MTMR9: variants seen among roughly 807,000 people sequenced by gnomAD.
The protein encoded by MTMR9 is myotubularin related protein 9, also known as myotubularin-related protein 9.
In MTMR9, 39 loss-of-function variants were observed where a neutral mutation model predicts 69.5. The observed-to-expected ratio is 0.56, with a 90% CI of 0.43 to 0.73. The LOEUF is 0.73. Ranked by LOEUF, MTMR9 falls within the 30% of genes least tolerant of loss-of-function variation. The pLI is 0.00. For synonymous variants in MTMR9, 354 were observed against 240.8 expected, an observed-to-expected ratio of 1.47 and a Z score of -4.35; for missense variants, 900 against 671.2, an observed-to-expected ratio of 1.34 and a Z score of -3.77.
Position 11,306,330 on chromosome 8 carries a change from A to T in MTMR9, c.732A>T (p.Gln244His). The T allele has an allele frequency of 6.2e-7, 1 of 1,614,098 alleles. No homozygotes were observed. The highest frequency in any genetic ancestry group is 8.5e-7 in the Non-Finnish European group (1 of 1,179,976). ...CCCGATCCCTGAACGTGGCTCAGCA[A>T]ACTAGAGCCAAAGGAGGTGGCTTTG... ...IDTRSLNVAQ[Q>H]TRAKGGGFEQ... Residue 244 changes from glutamine to histidine, a missense_variant, in exon 5 of 10, where the codon CAA becomes CAT. Coordinates refer to ENST00000221086, the MANE Select transcript of MTMR9 (RefSeq NM_015458.4).
rs1007730276 is a variant in MTMR9, at chr8:11,309,655, C to T, written c.938C>T (p.Thr313Ile). 6.2e-7 allele frequency: 1 copy of T among 1,613,912 alleles called. No individual in the cohort carries two copies. ...CTGACTCACATCAAAGAGATTCTGA[C>T]AACTGCCTGCCTAGCGGCTCAGTGC... ...NWLTHIKEILTTACLAAQCID... is the reference protein window; with the variant it reads ...NWLTHIKEILITACLAAQCID... Residue 313 changes from threonine (T) to isoleucine (I), a missense_variant, in exon 6 of 10, where the codon ACA (threonine) becomes ATA (isoleucine). By Grantham distance (89) the Thr-to-Ile change is moderately conservative (BLOSUM62 -1). Coordinates refer to ENST00000221086, the MANE Select transcript of MTMR9 (RefSeq NM_015458.4).
intron 6 of MTMR9, among the ~76,000 whole-genome samples, chr8:11,311,538 A>G (rs1315305039): frequency 2.6e-5 from 4 of 152,252 alleles, no homozygotes; most frequent in Non-Finnish European, 5.9e-5. Flanking sequence ...TTAATTGTGC[A>G]ATAGTATTAT....
chr8:11,333,892 T>TATTAAGA, the MTMR9 span, among the ~76,000 whole-genome samples: 1 of 152,218 alleles, frequency 6.6e-6, no homozygotes, highest in African/African-American at 2.4e-5. Context: ...TATTAAGAGG[T>TATTAAGA]GGAACCTTTA....
intron 2 of MTMR9, chr8:11,297,927 C>T (rs565794359): frequency 4.4e-6 from 2 of 456,092 alleles, no homozygotes; most frequent in Non-Finnish European, 8.8e-6. Context: ...CTCCACCCTT[C>T]CCCGAATACA....
chr8:11,295,839 A>G (rs1370201988), intron 2 of MTMR9, among the ~76,000 whole-genome samples: 4 of 152,202 alleles, frequency 2.6e-5, no homozygotes, highest in Non-Finnish European at 5.9e-5. Context: ...TAGTCACATT[A>G]CAGTGAGTAG....
At chr8:11,313,225 T>G (rs1245707051) in intron 6 of MTMR9, among the ~76,000 whole-genome samples, 1 of 152,232 alleles carries the variant, frequency 6.6e-6, no homozygotes, top group Non-Finnish European at 1.5e-5. Flanking sequence ...TTCTACAGCT[T>G]CCTTACTTCT....
At chr8:11,292,104 A>G (rs1799397190) in intron 1 of MTMR9, among the ~76,000 whole-genome samples, 1 of 152,132 alleles carries the variant, frequency 6.6e-6, no homozygotes, top group South Asian at 2.1e-4. Context: ...AATTTATGTC[A>G]GTATATCATA....
rs144563946 is a variant in MTMR9 at position 11,305,121 on chromosome 8, AG to A, written c.591+109del. On this transcript the variant is annotated intron_variant, in intron 4 of 9. Coordinates refer to ENST00000221086, the MANE Select transcript of MTMR9 (RefSeq NM_015458.4). The stretch of plus-strand genomic sequence containing the variant: ...TGTCTGTTCACTGAAATGATTGTCC[AG>A]GTCTCCACCACAAGGGCTTCCTTCA... 9.7e-4 allele frequency: 1,069 copies of A among 1,097,226 alleles called. 7 individuals carry two copies. The African/African-American group carries it at 0.015, about 15-fold the overall frequency. The allele number at this position is 1,097,226 out of a possible 1,614,324, so 68.0% of individuals were successfully genotyped here. A position where few individuals can be genotyped will look rare whatever the true frequency, so the allele number is the denominator to read the frequency against.
chr8:11,314,918 A>T lies in MTMR9; in HGVS notation c.972-5A>T, dbSNP rs769181904. 1 of 1,613,004 alleles carries T rather than the reference A, an allele frequency of 6.2e-7. No homozygotes were observed. The highest frequency in any genetic ancestry group is 8.5e-7 in the Non-Finnish European group (1 of 1,179,108). ...ATTTGTACTCTTCCCTGATTTTCCT[A>T]TCAGGGAAGGAGCATCAATATTGAT... On this transcript the variant is annotated splice_polypyrimidine_tract_variant and splice_region_variant and intron_variant, in intron 6 of 9. Coordinates refer to ENST00000221086, the MANE Select transcript of MTMR9 (RefSeq NM_015458.4).
At chr8:11,313,550 T>G (rs1800290309) in intron 6 of MTMR9, among the ~76,000 whole-genome samples, 1 of 152,246 alleles carries the variant, frequency 6.6e-6, no homozygotes, top group South Asian at 2.1e-4. Context: ...TGATCTAAAA[T>G]GAGACATGCT....
In MTMR9 at chr8:11,298,269, A is replaced by T. The variant is rs1278278424; in HGVS notation, c.292-1754A>T. On this transcript the variant is annotated intron_variant, in intron 2 of 9. Coordinates refer to ENST00000221086, the MANE Select transcript of MTMR9 (RefSeq NM_015458.4). ...GAGAGTGGTTGCTGACTTGCATTTA[A>T]AATAATGGTGGTTCTGATTGACGGC... Among the ~76,000 whole-genome samples the T allele has an allele frequency of 3.9e-5, 6 of 152,264 alleles. No homozygotes were observed. The East Asian group carries it at 1.2e-3, about 29-fold the overall frequency.
At position 11,314,928 on chromosome 8, in the gene MTMR9, G is replaced by T. The variant is rs1485050502; in HGVS notation, c.977G>T (p.Gly326Val). ...TTCCCTGATTTTCCTATCAGGGAAGGAGCATCAATATTGATTCACGGAACA... is the reference window on the plus strand; with the variant it reads ...TTCCCTGATTTTCCTATCAGGGAAGTAGCATCAATATTGATTCACGGAACA... Reference protein sequence around the residue: ...CLAAQCIDREGASILIHGTEG... With the variant: ...CLAAQCIDREVASILIHGTEG... The change falls in exon 7 of 10, where the codon GGA becomes GTA. Residue 326 changes from glycine (G) to valine (V), a missense_variant. By Grantham distance (109) the Gly-to-Val change is moderately radical. Coordinates refer to ENST00000221086, the MANE Select transcript of MTMR9 (RefSeq NM_015458.4). 1.2e-6 allele frequency: 2 copies of T among 1,613,418 alleles called. No homozygotes were observed. Among genetic ancestry groups the T allele is most frequent in the African/African-American group, 2.7e-5 (2 of 74,858 alleles).
intron 2 of MTMR9, chr8:11,298,720 A>ACCCCCCCCCCCCCCC (rs1554501121): frequency 1.5e-6 from 1 of 680,226 alleles, no homozygotes; most frequent in African/African-American, 2.3e-5. Flanking sequence ...TCCCCGCTGC[A>ACCCCCCCCCCCCCCC]CCCCCCCCCC....
chr8:11,314,639 A>G (rs569906478), intron 6 of MTMR9, among the ~76,000 whole-genome samples: 15 of 152,338 alleles, frequency 9.8e-5, no homozygotes, highest in African/African-American at 3.6e-4. Flanking sequence ...ATTCAGCTAA[A>G]AGGTTCTGTG....
chr8:11,331,468 C>T (rs1306496297), downstream of MTMR9: 1 of 1,613,928 alleles, frequency 6.2e-7, no homozygotes, highest in Admixed American at 1.7e-5. Flanking sequence ...GCCTACAGTG[C>T]AGTTCAGGTG....
chr8:11,306,822 G>T (rs951389448), intron 5 of MTMR9, among the ~76,000 whole-genome samples: 1 of 152,244 alleles, frequency 6.6e-6, no homozygotes, highest in Middle Eastern at 3.4e-3. Context: ...AAACTTTGTT[G>T]TTACCTTTGA....
downstream of MTMR9, among the ~76,000 whole-genome samples, chr8:11,328,369 GTGTT>G (rs1378501256): frequency 2.1e-3 from 322 of 150,426 alleles, 2 homozygotes; most frequent in African/African-American, 5.9e-3. Context: ...GTGTGTGTGT[GTGTT>G]TGTTACACTG....
At chr8:11,310,518 A>G (rs1410275972) in intron 6 of MTMR9, among the ~76,000 whole-genome samples, 1 of 152,210 alleles carries the variant, frequency 6.6e-6, no homozygotes, top group Non-Finnish European at 1.5e-5. Flanking sequence ...TGCTGAAATC[A>G]TGTGGTAAGT....
intron 6 of MTMR9, among the ~76,000 whole-genome samples, chr8:11,310,666 G>T (rs1293099103): frequency 2.0e-5 from 3 of 152,126 alleles, no homozygotes; most frequent in Admixed American, 1.3e-4. Flanking sequence ...CTGTGGCAGA[G>T]AAATAACAAA....
Sources: allele counts gnomAD v4.1 joint callset (sites outside exome capture counted in the v4.1 genomes callset), GRCh38; gene constraint gnomAD v4.1.1; transcripts MANE v1.5; gene names NCBI Gene and HGNC (gene_info 2026-07-23, HGNC 2026-07-21).